The following RASGRF1 variants were observed in gnomAD, a reference collection of about 807,000 sequenced individuals.
RASGRF1 encodes ras-specific guanine nucleotide-releasing factor 1.
In RASGRF1, 40 loss-of-function variants were observed where a neutral mutation model predicts 138.7. The ratio of observed to expected loss-of-function variants is 0.29; its 90% CI spans 0.22 to 0.38. RASGRF1 has a LOEUF of 0.38. Among genes scored for constraint, RASGRF1 ranks in the 10% least tolerant of loss-of-function variants. The pLI is 1.00. For synonymous variants in RASGRF1, 614 were observed against 663.2 expected (o/e 0.93, Z 1.14); for missense variants, 1,108 against 1,650.4 (o/e 0.67, Z 5.69).
At chr15:79,031,563 G>A (rs927140205) in intron 7 of RASGRF1, 54 bp from the exon 8 acceptor site, 43 of 1,310,874 alleles carry the variant, frequency 3.3e-5, no homozygotes, top group Admixed American at 9.2e-5. Context: ...AAGTATGGCC[G>A]GGGAGCAAGG....
chr15:79,036,591 G>A (rs2057225852), intron 5 of RASGRF1, among the ~76,000 whole-genome samples: 1 of 152,214 alleles, frequency 6.6e-6, no homozygotes, highest in Non-Finnish European at 1.5e-5. Flanking sequence ...GGTGAGCACA[G>A]AGATGCTCCA....
In RASGRF1 at chr15:78,992,266, G is replaced by A. The variant is rs1280931217; in HGVS notation, c.3028-472C>T. 2.0e-5 allele frequency among the ~76,000 whole-genome samples: 3 copies of A among 152,246 alleles called. 1 individual carries two copies. Among genetic ancestry groups the A allele is most frequent in the South Asian group, 4.1e-4 (2 of 4,834 alleles). ...AACTAGCAGGTGTGGACTCCCAGGC[G>A]TGATTAGCTCCTGGGATGGCCCTGT... On this transcript the variant is annotated intron_variant, in intron 20 of 26. Coordinates refer to ENST00000558480, the MANE Select transcript of RASGRF1 (RefSeq NM_001145648.3).
At chr15:79,042,789 G>A (rs941975826) in intron 5 of RASGRF1, among the ~76,000 whole-genome samples, 1 of 152,234 alleles carries the variant, frequency 6.6e-6, no homozygotes, top group African/African-American at 2.4e-5. Flanking sequence ...CCAGCACAAT[G>A]CAGGTCCCAC....
intron 1 of RASGRF1, among the ~76,000 whole-genome samples, chr15:79,072,246 TG>T (rs34313174): frequency 0.45 from 61,030 of 137,052 alleles, 13,974 homozygotes; most frequent in East Asian, 0.54. Flanking sequence ...AGGGGGTTTC[TG>T]GGAGTTCTTG....
chr15:79,033,650 T>C (rs2057176700), intron 6 of RASGRF1, among the ~76,000 whole-genome samples: 1 of 138,814 alleles, frequency 7.2e-6, no homozygotes, highest in South Asian at 2.3e-4. Context: ...AGTGCAGTAG[T>C]GAGATCTCGG....
At chr15:79,054,180 G>C (rs2057476645) in intron 3 of RASGRF1, among the ~76,000 whole-genome samples, 1 of 152,228 alleles carries the variant, frequency 6.6e-6, no homozygotes, top group African/African-American at 2.4e-5. Flanking sequence ...CTGGATGCAG[G>C]GGGAAGATCT....
chr15:78,973,566 C>G lies in RASGRF1; in HGVS notation c.3495-146G>C. On this transcript the variant is annotated intron_variant, in intron 24 of 26. Coordinates refer to ENST00000558480, the MANE Select transcript of RASGRF1 (RefSeq NM_001145648.3). This position sits in a 1 kb window ranked among gnomAD's most constrained non-coding sequence, Gnocchi z 4.9. ...GAATCACACTACACTCTAGAACTGA[C>G]TATTCTACACGCCCAGGACTGTCGG... 1 of 607,204 alleles carries G rather than the reference C, an allele frequency of 1.6e-6. No individual in the cohort carries two copies. Among genetic ancestry groups the G allele is most frequent in the Middle Eastern group, 2.6e-4 (1 of 3,830 alleles). 37.6% of individuals were successfully genotyped at this position (607,204 alleles called of 1,614,324 possible).
At chr15:79,001,184 C>T (rs11631671) in intron 16 of RASGRF1, among the ~76,000 whole-genome samples, 24,998 of 151,930 alleles carry the variant, frequency 0.16, 2,158 homozygotes, top group African/African-American at 0.2. Context: ...TTTTGCAAAG[C>T]TGTCAAGATG....
At chr15:79,024,268 A>G (rs1187352146) in intron 10 of RASGRF1, among the ~76,000 whole-genome samples, 2 of 152,074 alleles carry the variant, frequency 1.3e-5, no homozygotes, top group African/African-American at 4.8e-5. Context: ...GTACACAGAA[A>G]GACAATACAT....
At chr15:78,996,669 G>A (rs551810726) in intron 19 of RASGRF1, among the ~76,000 whole-genome samples, 5 of 152,264 alleles carry the variant, frequency 3.3e-5, no homozygotes, top group African/African-American at 1.2e-4. Context: ...CAATATGCTC[G>A]GTGGGGGGCT....
Position 78,973,846 on chromosome 15 carries a change from C to G in RASGRF1, c.3495-426G>C, listed in dbSNP as rs73472359. The stretch of plus-strand genomic sequence containing the variant: ...TCACCTCCTGGAGGGCTCTGCAGCC[C>G]CAGCCCCCCAACTCCTGCCAGTCAC... On this transcript the variant is annotated intron_variant, in intron 24 of 26. Transcript: ENST00000558480. The surrounding 1 kb of genome is among the most constrained non-coding windows in gnomAD (Gnocchi z 4.9). Among the ~76,000 whole-genome samples, 1,989 of 152,196 alleles carry G rather than the reference C, an allele frequency of 0.013. 43 individuals carry two copies. Among genetic ancestry groups the G allele is most frequent in the African/African-American group, 0.046 (1,909 of 41,500 alleles).
At chr15:79,023,537 T>C (rs909950134) in intron 10 of RASGRF1, among the ~76,000 whole-genome samples, 8 of 152,182 alleles carry the variant, frequency 5.3e-5, no homozygotes, top group African/African-American at 1.9e-4. Flanking sequence ...GAGGTAGCAC[T>C]TGAACAGGCC....
At chr15:78,978,906 G>A in intron 24 of RASGRF1, 1 of 1,256,870 alleles carries the variant, frequency 8.0e-7, no homozygotes, top group Non-Finnish European at 1.0e-6. Context: ...AGGGAGCAGG[G>A]GAATGTGGGA....
intron 5 of RASGRF1, among the ~76,000 whole-genome samples, chr15:79,040,587 C>T (rs970560739): frequency 2.0e-5 from 3 of 152,138 alleles, no homozygotes; most frequent in African/African-American, 4.8e-5. Flanking sequence ...CAGGCCATTC[C>T]CTTTGCTCTC....
In RASGRF1 at chr15:78,961,867, C is replaced by G; in HGVS notation, c.*277G>C. 1 of 343,248 alleles carries G rather than the reference C, an allele frequency of 2.9e-6. No homozygotes were observed. Among genetic ancestry groups the G allele is most frequent in the South Asian group, 3.8e-5 (1 of 26,368 alleles). The allele number at this position is 343,248 out of a possible 1,614,324, so 21.3% of individuals were successfully genotyped here. ...TCTTGTATGCAAGGGTGCTGTTTCC[C>G]CTCTGAGAAGAGTGAGGAGTCTAGG... On this transcript the variant is annotated 3_prime_UTR_variant, in exon 27 of 27. Coordinates refer to ENST00000558480, the MANE Select transcript of RASGRF1 (RefSeq NM_001145648.3).
intron 5 of RASGRF1, among the ~76,000 whole-genome samples, chr15:79,044,246 T>C (rs2057330982): frequency 6.6e-6 from 1 of 152,190 alleles, no homozygotes; most frequent in Admixed American, 6.5e-5. Flanking sequence ...CAAGTCCCAC[T>C]CTCATCTTTG....
intron 1 of RASGRF1, among the ~76,000 whole-genome samples, chr15:79,071,545 T>C (rs978867729): frequency 6.6e-6 from 1 of 151,356 alleles, no homozygotes; most frequent in Non-Finnish European, 1.5e-5. Flanking sequence ...TTTTTTTGTA[T>C]TTTTAGTAGA....
intron 12 of RASGRF1, among the ~76,000 whole-genome samples, chr15:79,016,085 G>A (rs1287371185): frequency 2.0e-5 from 3 of 152,194 alleles, no homozygotes; most frequent in African/African-American, 7.2e-5. Context: ...GCATCTCTTG[G>A]GGGAGCTGCC....
At chr15:78,969,011 C>G (rs1482270494) in intron 26 of RASGRF1, among the ~76,000 whole-genome samples, 1 of 152,204 alleles carries the variant, frequency 6.6e-6, no homozygotes. Flanking sequence ...GGCCCATTGA[C>G]TACAAATCCC....
Sources: gnomAD v4.1 joint callset for allele counts (sites outside exome capture counted in the v4.1 genomes callset) on GRCh38, gnomAD v4.1.1 for gene constraint, Gnocchi (gnomAD v3.1) non-coding constraint, MANE v1.5 for transcripts, NCBI Gene and HGNC (gene_info 2026-07-23, HGNC 2026-07-21) for gene names.